Variants in ASB18 observed in about 807,000 individuals in gnomAD.
The protein encoded by ASB18 is ankyrin repeat and SOCS box protein 18.
ASB18 carries 33 observed loss-of-function variants against 33.4 expected under a neutral mutation model. The observed-to-expected ratio is 0.99, with a 90% CI of 0.75 to 1.32. The LOEUF is 1.32. ASB18 is among the 40% of genes most tolerant of loss of function. The pLI is 0.00. For synonymous variants in ASB18, 295 were observed against 307.6 expected (o/e 0.96, Z 0.43); for missense variants, 694 against 655.5 (o/e 1.06, Z -0.64).
In ASB18 at chr2:236,211,570, T is replaced by C. The variant is rs1342501622; in HGVS notation, c.1101+2792A>G. Among the ~76,000 whole-genome samples, 4 of 152,256 alleles carry C rather than the reference T, an allele frequency of 2.6e-5. No homozygotes were observed. The highest frequency in any genetic ancestry group is 4.8e-5 in the African/African-American group (2 of 41,472). ...GCTGCTGCCCACGGACGGCTTGCCC[T>C]GTGACAGTGCTGGTGACTCTACGCT... On this transcript the variant is annotated intron_variant, in intron 4 of 5. Transcript: ENST00000409749. The surrounding 1 kb of genome is among the most constrained non-coding windows in gnomAD (Gnocchi z 5.0).
intron 3 of ASB18, among the ~76,000 whole-genome samples, chr2:236,218,670 T>C (rs1190252124): frequency 2.6e-5 from 4 of 151,512 alleles, no homozygotes; most frequent in African/African-American, 9.7e-5. Context: ...TGGTGGTGGG[T>C]GCATGTAGTC....
chr2:236,213,156 T>C lies in ASB18; in HGVS notation c.1101+1206A>G, dbSNP rs1055126132. Among the ~76,000 whole-genome samples the C allele has an allele frequency of 1.3e-5, 2 of 151,844 alleles. No individual in the cohort carries two copies. The highest frequency in any genetic ancestry group is 2.9e-5 in the Non-Finnish European group (2 of 67,996). ...TTTCTTCCCTTTCAGGAGTCCACTA[T>C]ATTGAAATCATTGCCTTAGTGGAGC... is the stretch of plus-strand genomic sequence containing the variant. On this transcript the variant is annotated intron_variant, in intron 4 of 5. Transcript: ENST00000409749. This position sits in a 1 kb window ranked among gnomAD's most constrained non-coding sequence, Gnocchi z 4.8.
At position 236,244,049 on chromosome 2, in the gene ASB18, ACTCCTGAC is replaced by A. The variant is rs1490500127; in HGVS notation, c.206-2655_206-2648del. ...ACCTTGTTGGCTAGGCTGGTCTCAA[ACTCCTGAC>A]CTCAGGTGATCTGCCCACTTCGGCC... On this transcript the variant is annotated intron_variant, in intron 1 of 5. Coordinates refer to ENST00000409749, the MANE Select transcript of ASB18 (RefSeq NM_212556.4). This position sits in a 1 kb window ranked among gnomAD's most constrained non-coding sequence, Gnocchi z 6.1. Among the ~76,000 whole-genome samples the A allele has an allele frequency of 6.6e-6, 1 of 151,932 alleles. No individual in the cohort carries two copies. The highest frequency in any genetic ancestry group is 2.4e-5 in the African/African-American group (1 of 41,368).
Position 236,214,991 on chromosome 2 carries a change from C to T in ASB18, c.597-125G>A. On this transcript the variant is annotated intron_variant, in intron 3 of 5. Transcript: ENST00000409749. This position sits in a 1 kb window ranked among gnomAD's most constrained non-coding sequence, Gnocchi z 6.5. ...AAAAGACATGCTCCGCTCTCCCATACCAAGGCGTCAGGAGTTCAAACTAAA... is the reference window on the plus strand; with the variant it reads ...AAAAGACATGCTCCGCTCTCCCATATCAAGGCGTCAGGAGTTCAAACTAAA... The T allele has an allele frequency of 1.5e-6, 1 of 684,228 alleles. No individual in the cohort carries two copies. Among genetic ancestry groups the T allele is most frequent in the Non-Finnish European group, 2.0e-6 (1 of 510,434 alleles). 42.4% of individuals were successfully genotyped at this position (684,228 alleles called of 1,614,324 possible).
chr2:236,256,843 G>GCATCC lies in ASB18; in HGVS notation c.205+7297_205+7298insGGATG, dbSNP rs1321845463. ...AGCCGGACCATTAGCTCTAAGGCAT[G>GCATCC]CATCTCATCTCATCACAGTGTCATT... is the stretch of plus-strand genomic sequence containing the variant. On this transcript the variant is annotated intron_variant, in intron 1 of 5. Transcript: ENST00000409749. This position sits in a 1 kb window ranked among gnomAD's most constrained non-coding sequence, Gnocchi z 4.7. 1.3e-5 allele frequency among the ~76,000 whole-genome samples: 2 copies of GCATCC among 151,906 alleles called. No homozygotes were observed. The highest frequency in any genetic ancestry group is 2.9e-5 in the Non-Finnish European group (2 of 68,008).
At chr2:236,198,851 C>G (rs972526530) in intron 4 of ASB18, among the ~76,000 whole-genome samples, 57 of 151,756 alleles carry the variant, frequency 3.8e-4, no homozygotes, top group African/African-American at 1.4e-3. Flanking sequence ...ATATTTTTTT[C>G]TCCTCAATAT....
rs2060424814 is a variant in ASB18, at chr2:236,204,725, C to T, written c.1102-8340G>A. Among the ~76,000 whole-genome samples, 1 of 151,976 alleles carries T rather than the reference C, an allele frequency of 6.6e-6. No individual in the cohort carries two copies. The highest frequency in any genetic ancestry group is 2.1e-4 in the South Asian group (1 of 4,810). ...CCCCATTCCCAAGTGATAGCAAACT[C>T]ATTCTTGTAGTCTCTTGGGCTGGAA... is the stretch of plus-strand genomic sequence containing the variant. On this transcript the variant is annotated intron_variant, in intron 4 of 5. Transcript: ENST00000409749. The surrounding 1 kb of genome is among the most constrained non-coding windows in gnomAD (Gnocchi z 5.1).
In ASB18 at chr2:236,229,065, A is replaced by G. The variant is rs1210175848; in HGVS notation, c.596+8624T>C. Among the ~76,000 whole-genome samples the G allele has an allele frequency of 6.6e-6, 1 of 152,192 alleles. No homozygotes were observed. Among genetic ancestry groups the G allele is most frequent in the African/African-American group, 2.4e-5 (1 of 41,450 alleles). On this transcript the variant is annotated intron_variant, in intron 3 of 5. Transcript: ENST00000409749. The surrounding 1 kb of genome is among the most constrained non-coding windows in gnomAD (Gnocchi z 5.2). ...TGAGACCATCCTGGGCAGCAAAACA[A>G]GACCCCAACTCTACAATAAATAAAT...
At chr2:236,210,820 G>C (rs550730954) in intron 4 of ASB18, among the ~76,000 whole-genome samples, 1 of 152,326 alleles carries the variant, frequency 6.6e-6, no homozygotes, top group African/African-American at 2.4e-5. Context: ...GCAGTGGAGG[G>C]CAGGGGTTTG....
chr2:236,255,292 C>T lies in ASB18; in HGVS notation c.205+8849G>A, dbSNP rs958200718. Reference sequence around the variant, plus strand: ...TTGAGTAGCTGAAATTACAGGCGCCCACCACGACGCCCAGCTAATTTATAT... The same window carrying T: ...TTGAGTAGCTGAAATTACAGGCGCCTACCACGACGCCCAGCTAATTTATAT... On this transcript the variant is annotated intron_variant, in intron 1 of 5. Coordinates refer to ENST00000409749, the MANE Select transcript of ASB18 (RefSeq NM_212556.4). This position sits in a 1 kb window ranked among gnomAD's most constrained non-coding sequence, Gnocchi z 4.4. 1.3e-5 allele frequency among the ~76,000 whole-genome samples: 2 copies of T among 152,096 alleles called. No homozygotes were observed. The highest frequency in any genetic ancestry group is 4.8e-5 in the African/African-American group (2 of 41,430).
chr2:236,219,203 G>A lies in ASB18; in HGVS notation c.597-4337C>T, dbSNP rs779090445. On this transcript the variant is annotated intron_variant, in intron 3 of 5. Transcript: ENST00000409749. This position sits in a 1 kb window ranked among gnomAD's most constrained non-coding sequence, Gnocchi z 6.4. The stretch of plus-strand genomic sequence containing the variant: ...AAAACCTAGAAATTTAGAGGGCAAT[G>A]TGTGTTTATCTCTGGATGATGGGCA... Among the ~76,000 whole-genome samples the A allele has an allele frequency of 3.3e-5, 5 of 152,272 alleles. No homozygotes were observed. Among genetic ancestry groups the A allele is most frequent in the Non-Finnish European group, 7.3e-5 (5 of 68,030 alleles).
At position 236,231,787 on chromosome 2, in the gene ASB18, G is replaced by T. The variant is rs57894270; in HGVS notation, c.596+5902C>A. On this transcript the variant is annotated intron_variant, in intron 3 of 5. Transcript: ENST00000409749. The surrounding 1 kb of genome is among the most constrained non-coding windows in gnomAD (Gnocchi z 5.5). ...TAAATAATTTCATAATGATAAAAAG[G>T]TCAGTTCTTCAAAAGGACAGAATAA... is the stretch of plus-strand genomic sequence containing the variant. Among the ~76,000 whole-genome samples, 9,599 of 152,158 alleles carry T rather than the reference G, an allele frequency of 0.063. 1,014 individuals are homozygous for T. Among genetic ancestry groups the T allele is most frequent in the African/African-American group, 0.22 (9,058 of 41,478 alleles).
chr2:236,249,396 G>T lies in ASB18; in HGVS notation c.206-7994C>A, dbSNP rs1378064900. ...TGGCAATCACACTGAGGATGTGAAGGGGTCTGTCACAGTTTGCACAGCCTT... is the reference window on the plus strand; with the variant it reads ...TGGCAATCACACTGAGGATGTGAAGTGGTCTGTCACAGTTTGCACAGCCTT... On this transcript the variant is annotated intron_variant, in intron 1 of 5. Coordinates refer to ENST00000409749, the MANE Select transcript of ASB18 (RefSeq NM_212556.4). The surrounding 1 kb of genome is among the most constrained non-coding windows in gnomAD (Gnocchi z 4.6). 1.3e-5 allele frequency: 2 copies of T among 152,104 alleles called. No homozygotes were observed. The highest frequency in any genetic ancestry group is 1.5e-5 in the Non-Finnish European group (1 of 68,026). 9.4% of individuals were successfully genotyped at this position (152,104 alleles called of 1,614,324 possible). A position where few individuals can be genotyped will look rare whatever the true frequency, so the allele number is the denominator to read the frequency against.
rs969454876 is a variant in ASB18, at chr2:236,225,412, T to C, written c.597-10546A>G. ...ACAGGCAGGAGCCACTGTGCCCACATGATTTATTTTTCATTCAGTTGAATT... is the reference window on the plus strand; with the variant it reads ...ACAGGCAGGAGCCACTGTGCCCACACGATTTATTTTTCATTCAGTTGAATT... On this transcript the variant is annotated intron_variant, in intron 3 of 5. Transcript: ENST00000409749. This position sits in a 1 kb window ranked among gnomAD's most constrained non-coding sequence, Gnocchi z 5.1. 3.9e-5 allele frequency among the ~76,000 whole-genome samples: 6 copies of C among 152,222 alleles called. No homozygotes were observed. The highest frequency in any genetic ancestry group is 7.3e-5 in the Non-Finnish European group (5 of 68,036).
Position 236,245,169 on chromosome 2 carries a change from C to G in ASB18, c.206-3767G>C, listed in dbSNP as rs2106282102. On this transcript the variant is annotated intron_variant, in intron 1 of 5. Coordinates refer to ENST00000409749, the MANE Select transcript of ASB18 (RefSeq NM_212556.4). This position sits in a 1 kb window ranked among gnomAD's most constrained non-coding sequence, Gnocchi z 4.7. ...TTTATTTTTTACCATGTTTATCTGACCTCTGGGCAAAGGCTCAGCTCTGGG... is the reference window on the plus strand; with the variant it reads ...TTTATTTTTTACCATGTTTATCTGAGCTCTGGGCAAAGGCTCAGCTCTGGG... Among the ~76,000 whole-genome samples, 1 of 152,322 alleles carries G rather than the reference C, an allele frequency of 6.6e-6. No individual in the cohort carries two copies. Among genetic ancestry groups the G allele is most frequent in the South Asian group, 2.1e-4 (1 of 4,824 alleles).
rs1459651907 is a variant in ASB18 at position 236,204,287 on chromosome 2, G to A, written c.1102-7902C>T. 1.3e-5 allele frequency among the ~76,000 whole-genome samples: 2 copies of A among 152,076 alleles called. No individual in the cohort carries two copies. The highest frequency in any genetic ancestry group is 2.9e-5 in the Non-Finnish European group (2 of 68,018). On this transcript the variant is annotated intron_variant, in intron 4 of 5. Transcript: ENST00000409749. This position sits in a 1 kb window ranked among gnomAD's most constrained non-coding sequence, Gnocchi z 5.1. ...TCACTTTACTTGCTGTGTCAGCCAC[G>A]CCTGACATGTTGACGATGTCTTCCA...
chr2:236,258,596 C>G (rs1292424033), intron 1 of ASB18, among the ~76,000 whole-genome samples: 1 of 152,180 alleles, frequency 6.6e-6, no homozygotes. Flanking sequence ...TGATGTTATT[C>G]TCCAGGCATA....
Position 236,214,948 on chromosome 2 carries a change from T to A in ASB18, c.597-82A>T. 1 of 1,072,358 alleles carries A rather than the reference T, an allele frequency of 9.3e-7. No homozygotes were observed. The highest frequency in any genetic ancestry group is 1.2e-6 in the Non-Finnish European group (1 of 862,862). The allele number at this position is 1,072,358 out of a possible 1,614,324, so 66.4% of individuals were successfully genotyped here. A position where few individuals can be genotyped will look rare whatever the true frequency, so the allele number is the denominator to read the frequency against. ...ACCCCCGGCCTGCTGCTGCAAAATA[T>A]CAAGTGACCTCTGAATGAAAAGACA... On this transcript the variant is annotated intron_variant, in intron 3 of 5. Transcript: ENST00000409749. The surrounding 1 kb of genome is among the most constrained non-coding windows in gnomAD (Gnocchi z 6.5).
rs2060563294 is a variant in ASB18 at position 236,231,188 on chromosome 2, A to C, written c.596+6501T>G. ...GGTGAATAAATTACAGAAGATTGTAAATTCCATCTTGCAAGCAGATTGTCT... is the reference window on the plus strand; with the variant it reads ...GGTGAATAAATTACAGAAGATTGTACATTCCATCTTGCAAGCAGATTGTCT... On this transcript the variant is annotated intron_variant, in intron 3 of 5. Coordinates refer to ENST00000409749, the MANE Select transcript of ASB18 (RefSeq NM_212556.4). The surrounding 1 kb of genome is among the most constrained non-coding windows in gnomAD (Gnocchi z 5.5). Among the ~76,000 whole-genome samples, 1 of 152,118 alleles carries C rather than the reference A, an allele frequency of 6.6e-6. No individual in the cohort carries two copies. The highest frequency in any genetic ancestry group is 2.4e-5 in the African/African-American group (1 of 41,420).
Sources: gnomAD v4.1 joint callset for allele counts (sites outside exome capture counted in the v4.1 genomes callset) on GRCh38, gnomAD v4.1.1 for gene constraint, Gnocchi (gnomAD v3.1) non-coding constraint, MANE v1.5 for transcripts, NCBI Gene and HGNC (gene_info 2026-07-23, HGNC 2026-07-21) for gene names.